The following GAS6 variants were observed in gnomAD, a reference collection of about 807,000 sequenced individuals.
The protein encoded by GAS6 is growth arrest-specific protein 6.
Under a neutral mutation model 75.8 loss-of-function variants are expected in GAS6, and 41 were observed. The ratio of observed to expected loss-of-function variants is 0.54; its 90% CI spans 0.42 to 0.70. GAS6 has a LOEUF of 0.70. Among genes scored for constraint, GAS6 ranks in the 30% least tolerant of loss-of-function variants. The probability of loss-of-function intolerance (pLI) is 0.00; values close to 1 mark genes in which losing one functional copy is unlikely to be tolerated. For missense variants in GAS6, 854 were observed against 940.2 expected, an observed-to-expected ratio of 0.91 and a Z score of 1.20; for synonymous variants, 432 against 412.6, an observed-to-expected ratio of 1.05 and a Z score of -0.57.
In GAS6 at chr13:113,822,020, C is replaced by T; in HGVS notation, c.1820G>A (p.Arg607Lys). ...CAGGTGCCTCTCGAGCACGGCCAGC[C>T]TCTCCTGCAGCTGCGCGGCGCTCAC... ...SEVSAAQLQE[R>K]LAVLERHLRS... The change falls in exon 14 of 15, where the codon AGG becomes AAG. Residue 607 changes from arginine to lysine, a missense_variant. Transcript: ENST00000327773. 2 of 1,566,218 alleles carry T rather than the reference C, an allele frequency of 1.3e-6. No individual in the cohort carries two copies. Among genetic ancestry groups the T allele is most frequent in the Non-Finnish European group, 1.7e-6 (2 of 1,157,604 alleles).
Position 113,846,507 on chromosome 13 carries a change from C to T in GAS6, c.343+20G>A, listed in dbSNP as rs758389907. Reference sequence around the variant, plus strand: ...CAAACCCACAGTGCTCCCAGGAAGGCGCAAAGGAGGCCGACTTACTTTGCA... The same window carrying T: ...CAAACCCACAGTGCTCCCAGGAAGGTGCAAAGGAGGCCGACTTACTTTGCA... On this transcript the variant is annotated intron_variant, in intron 4 of 14. Transcript: ENST00000327773. 9.9e-6 allele frequency: 16 copies of T among 1,612,000 alleles called. No homozygotes were observed. The highest frequency in any genetic ancestry group is 1.7e-4 in the Middle Eastern group (1 of 6,020).
intron 2 of GAS6, among the ~76,000 whole-genome samples, chr13:113,857,923 A>C (rs1384577116): frequency 6.6e-6 from 1 of 152,234 alleles, no homozygotes; most frequent in Non-Finnish European, 1.5e-5. Flanking sequence ...AGGTGCGGGC[A>C]CAGGAGAGGG....
chr13:113,853,839 C>T (rs2138661934), intron 2 of GAS6, among the ~76,000 whole-genome samples: 1 of 152,356 alleles, frequency 6.6e-6, no homozygotes, highest in East Asian at 1.9e-4. Flanking sequence ...GGCCTGGCAG[C>T]CCGGCTCTAT....
In GAS6 at chr13:113,863,220, C is replaced by G. The variant is rs1566378687; in HGVS notation, c.255+355G>C. Among the ~76,000 whole-genome samples the G allele has an allele frequency of 1.3e-5, 2 of 152,352 alleles. No individual in the cohort carries two copies. Among genetic ancestry groups the G allele is most frequent in the East Asian group, 3.9e-4 (2 of 5,178 alleles). The stretch of plus-strand genomic sequence containing the variant: ...CCCCTCTCAGGAGGACGAGGCGCGG[C>G]CCGGGGGTTCCTCACCTCCAGCCCA... On this transcript the variant is annotated intron_variant, in intron 2 of 14. Coordinates refer to ENST00000327773, the MANE Select transcript of GAS6 (RefSeq NM_000820.4). This position sits in a 1 kb window ranked among gnomAD's most constrained non-coding sequence, Gnocchi z 9.4.
intron 2 of GAS6, among the ~76,000 whole-genome samples, chr13:113,860,206 G>A (rs898102343): frequency 1.3e-5 from 2 of 152,226 alleles, no homozygotes. Flanking sequence ...CGGAGCACAG[G>A]CCTGGCCACA....
intron 7 of GAS6, among the ~76,000 whole-genome samples, chr13:113,835,116 T>TG (rs2051685599): frequency 6.6e-6 from 1 of 152,194 alleles, no homozygotes. Context: ...TTCCCATCAC[T>TG]GGGGGCACGG....
chr13:113,841,032 A>C (rs540402070), intron 4 of GAS6: 32 of 152,440 alleles, frequency 2.1e-4, no homozygotes, highest in African/African-American at 7.5e-4. Flanking sequence ...ATGGGCTCTC[A>C]CTGCCAGCGT....
In GAS6 at chr13:113,821,106, A is replaced by C. The variant is rs2051451610; in HGVS notation, c.1883-88T>G. The C allele has an allele frequency of 2.1e-6, 3 of 1,442,404 alleles. No homozygotes were observed. In the South Asian group the frequency reaches 3.6e-5, roughly 17 times the overall value. The allele number at this position is 1,442,404 out of a possible 1,614,324, so 89.4% of individuals were successfully genotyped here. A position where few individuals can be genotyped will look rare whatever the true frequency, so the allele number is the denominator to read the frequency against. ...CCCACCCCCGGCAGCGCTTGTGGCC[A>C]GCCCCGGGTTCCCTCCGAAAGGGCA... On this transcript the variant is annotated intron_variant, in intron 14 of 14. Coordinates refer to ENST00000327773, the MANE Select transcript of GAS6 (RefSeq NM_000820.4).
intron 2 of GAS6, among the ~76,000 whole-genome samples, chr13:113,859,632 CTG>C (rs1258730009): frequency 8.5e-5 from 13 of 152,084 alleles, no homozygotes; most frequent in African/African-American, 2.4e-4. Context: ...GCATGTATAT[CTG>C]TGTCTATGGG....
chr13:113,823,246 C>CT (rs1419184903), intron 13 of GAS6, 129 bp downstream of exon 13: 2 of 1,083,018 alleles, frequency 1.8e-6, no homozygotes, highest in Non-Finnish European at 2.6e-6. Context: ...GCTCATCAGA[C>CT]CTCTGGTCAG....
chr13:113,861,951 AAGCCACTC>A (rs2051975268), intron 2 of GAS6, among the ~76,000 whole-genome samples: 1 of 152,170 alleles, frequency 6.6e-6, no homozygotes, highest in Admixed American at 6.5e-5. Context: ...CCGGGCACCA[AAGCCACTC>A]AGCCACATGC....
At chr13:113,859,382 G>C (rs886554427) in intron 2 of GAS6, among the ~76,000 whole-genome samples, 1 of 151,022 alleles carries the variant, frequency 6.6e-6, no homozygotes, top group Non-Finnish European at 1.5e-5. Context: ...GTGAATGTGT[G>C]CATGTATGTA....
At chr13:113,854,470 C>T (rs1314586038) in intron 2 of GAS6, among the ~76,000 whole-genome samples, 11 of 152,248 alleles carry the variant, frequency 7.2e-5, no homozygotes, top group Non-Finnish European at 1.3e-4. Flanking sequence ...GAGACTCAAC[C>T]CTGCACGGCA....
At chr13:113,821,746 G>T in intron 14 of GAS6, 1 of 535,832 alleles carries the variant, frequency 1.9e-6, no homozygotes, top group Non-Finnish European at 3.3e-6. Context: ...GCCCCCGTAC[G>T]TGTTTCTCAG....
At chr13:113,853,373 C>T (rs574367363) in intron 2 of GAS6, among the ~76,000 whole-genome samples, 1 of 152,374 alleles carries the variant, frequency 6.6e-6, no homozygotes, top group African/African-American at 2.4e-5. Flanking sequence ...CCTTGGGCCA[C>T]AGTCCCCGCA....
At chr13:113,839,654 G>T (rs1253318800) in intron 5 of GAS6, 74 bp downstream of exon 5, 10 of 1,568,260 alleles carry the variant, frequency 6.4e-6, no homozygotes, top group Non-Finnish European at 8.7e-6. Context: ...GCCCCGGAGT[G>T]GGAGTGAGGA....
Position 113,863,702 on chromosome 13 carries a change from C to A in GAS6, c.128G>T (p.Arg43Leu). The A allele has an allele frequency of 1.3e-6, 2 of 1,512,688 alleles. No homozygotes were observed. The highest frequency in any genetic ancestry group is 8.8e-7 in the Non-Finnish European group (1 of 1,132,646). The allele number at this position is 1,512,688 out of a possible 1,614,324, so 93.7% of individuals were successfully genotyped here. ...LPAREATQFL[R>L]PRQRRAFQVF... is the part of the protein sequence containing the mutation. ...CTGAAAGGCGCGGCGCTGCCTGGGC[C>A]GCAGGAACTGCGTGGCCTCGCGCGC... Residue 43 changes from arginine to leucine, a missense_variant, in exon 2 of 15, where the codon CGG (arginine) becomes CTG (leucine). By Grantham distance (102) the Arg-to-Leu change is moderately radical (BLOSUM62 -2). Transcript: ENST00000327773. The surrounding 1 kb of genome is among the most constrained non-coding windows in gnomAD (Gnocchi z 9.4).
chr13:113,844,180 G>T lies in GAS6; in HGVS notation c.343+2347C>A, dbSNP rs1031949186. ...GGTGGACCCGTTAGAAACTGCATGT[G>T]TTGCCTCTGGCACCAGCCACAGCAA... On this transcript the variant is annotated intron_variant, in intron 4 of 14. Transcript: ENST00000327773. The surrounding 1 kb of genome is among the most constrained non-coding windows in gnomAD (Gnocchi z 5.7). 4.6e-5 allele frequency: 7 copies of T among 150,828 alleles called. No individual in the cohort carries two copies. Among genetic ancestry groups the T allele is most frequent in the Non-Finnish European group, 7.3e-5 (5 of 68,028 alleles). The allele number at this position is 150,828 out of a possible 1,614,324, so 9.3% of individuals were successfully genotyped here.
rs2051849038 is a variant in GAS6 at position 113,848,228 on chromosome 13, G to A, written c.256-178C>T. Among the ~76,000 whole-genome samples, 1 of 152,110 alleles carries A rather than the reference G, an allele frequency of 6.6e-6. No homozygotes were observed. Among genetic ancestry groups the A allele is most frequent in the Non-Finnish European group, 1.5e-5 (1 of 68,022 alleles). On this transcript the variant is annotated intron_variant, in intron 2 of 14. Coordinates refer to ENST00000327773, the MANE Select transcript of GAS6 (RefSeq NM_000820.4). This position sits in a 1 kb window ranked among gnomAD's most constrained non-coding sequence, Gnocchi z 4.8. ...GACTGCTGTGAGACCAACAAGCAAA[G>A]GCAGGGCCATTTCCAGCTGCGTAGG...
Sources: allele counts gnomAD v4.1 joint callset (sites outside exome capture counted in the v4.1 genomes callset), GRCh38; gene constraint gnomAD v4.1.1; non-coding constraint Gnocchi (gnomAD v3.1); transcripts MANE v1.5; gene names NCBI Gene and HGNC (gene_info 2026-07-23, HGNC 2026-07-21).